Variants in DLG5 observed in about 807,000 individuals in gnomAD.
DLG5 encodes the protein disks large homolog 5.
Under a neutral mutation model 189.8 loss-of-function variants are expected in DLG5, and 48 were observed. The observed-to-expected ratio is 0.25, with a 90% CI of 0.20 to 0.32. The LOEUF is 0.32. Ranked by LOEUF, DLG5 falls within the 10% of genes least tolerant of loss-of-function variation. The pLI is 1.00. For synonymous variants in DLG5, 1,016 were observed against 1,054.1 expected, an observed-to-expected ratio of 0.96 and a Z score of 0.70; for missense variants, 2,160 against 2,544.7, an observed-to-expected ratio of 0.85 and a Z score of 3.25.
intron 1 of DLG5, among the ~76,000 whole-genome samples, chr10:77,874,806 A>G (rs1845033817): frequency 6.6e-6 from 1 of 152,184 alleles, no homozygotes. Context: ...AGCTGGTGTT[A>G]TTATGGTCAG....
intron 5 of DLG5, chr10:77,845,223 G>T (rs932045488): frequency 6.6e-6 from 1 of 152,254 alleles, no homozygotes; most frequent in Non-Finnish European, 1.5e-5. Context: ...CATGGGATCT[G>T]AGCCCTGGGG....
intron 20 of DLG5, among the ~76,000 whole-genome samples, chr10:77,812,895 C>G (rs1246609162): frequency 6.6e-6 from 1 of 152,262 alleles, no homozygotes; most frequent in East Asian, 1.9e-4. Flanking sequence ...AGGCTGGGAG[C>G]AAGGCTGCAG....
rs530932176 is a variant in DLG5 at position 77,849,476 on chromosome 10, G to A, written c.864+3878C>T. Among the ~76,000 whole-genome samples, 4 of 152,394 alleles carry A rather than the reference G, an allele frequency of 2.6e-5. No individual in the cohort carries two copies. The East Asian group carries it at 5.8e-4, about 22-fold the overall frequency. ...GCCCAGGATGCCAGGACGCGGGGCT[G>A]GTCGCCCAGCAGCTCTGAGATGCTC... is the stretch of plus-strand genomic sequence containing the variant. On this transcript the variant is annotated intron_variant, in intron 5 of 31. Coordinates refer to ENST00000372391, the MANE Select transcript of DLG5 (RefSeq NM_004747.4).
At chr10:77,817,923 G>C in intron 17 of DLG5, 34 bp from the exon 18 acceptor site, 2 of 1,524,492 alleles carry the variant, frequency 1.3e-6, no homozygotes, top group Non-Finnish European at 1.8e-6. Context: ...AGTTCGGGAG[G>C]AGAACCAGGA....
intron 2 of DLG5, among the ~76,000 whole-genome samples, chr10:77,860,584 AGGCACTGCACCC>A (rs1350532572): frequency 2.6e-5 from 4 of 152,194 alleles, no homozygotes; most frequent in Admixed American, 1.3e-4. Flanking sequence ...TACAGGCGTG[AGGCACTGCACCC>A]GGCCATGCCT....
At position 77,819,348 on chromosome 10, in the gene DLG5, T is replaced by C; in HGVS notation, c.3644A>G (p.Asp1215Gly). The change falls in exon 17 of 32, where the codon GAT becomes GGT. Residue 1215 changes from aspartate to glycine, a missense_variant. Physicochemically the swap from Asp to Gly is moderately conservative, Grantham distance 94 (BLOSUM62 -1). Transcript: ENST00000372391. ...GGGATGCAAACCCTGGGGGCCAGCA[T>C]CTCGGGCCGCAGGTGGAGAGCTGCA... Reference protein sequence around the residue: ...GPCSSPPAARDAGPQGLHPSV... With the variant: ...GPCSSPPAARGAGPQGLHPSV... The C allele has an allele frequency of 1.2e-6, 2 of 1,614,010 alleles. No individual in the cohort carries two copies. The highest frequency in any genetic ancestry group is 1.7e-6 in the Non-Finnish European group (2 of 1,180,010).
At chr10:77,917,222 G>A (rs1264806211) in intron 1 of DLG5, among the ~76,000 whole-genome samples, 1 of 151,954 alleles carries the variant, frequency 6.6e-6, no homozygotes, top group South Asian at 2.1e-4. Context: ...GGCGCCTGTA[G>A]TCCCAGCTAC....
At position 77,827,119 on chromosome 10, in the gene DLG5, A is replaced by G. The variant is rs1842676493; in HGVS notation, c.2289+1763T>C. On this transcript the variant is annotated intron_variant, in intron 13 of 31. Transcript: ENST00000372391. The stretch of plus-strand genomic sequence containing the variant: ...AGTGATTGCCATCGGGGTGGGAAGC[A>G]GTACACAAGAGGTCTAGCCAGAGGA... 3.3e-5 allele frequency among the ~76,000 whole-genome samples: 5 copies of G among 152,372 alleles called. No homozygotes were observed. In the South Asian group the frequency reaches 1.0e-3, roughly 32 times the overall value.
At chr10:77,825,319 G>A (rs1047516177) in intron 13 of DLG5, among the ~76,000 whole-genome samples, 7 of 149,784 alleles carry the variant, frequency 4.7e-5, no homozygotes, top group Admixed American at 2.0e-4. Flanking sequence ...GAACAGCTAC[G>A]TATCTTCATT....
intron 1 of DLG5, among the ~76,000 whole-genome samples, chr10:77,921,881 G>C (rs1367485803): frequency 1.3e-5 from 2 of 152,180 alleles, no homozygotes; most frequent in Non-Finnish European, 2.9e-5. Flanking sequence ...GCACGCGAGA[G>C]GTCCAGCCAA....
At chr10:77,922,085 A>G (rs963730199) in intron 1 of DLG5, among the ~76,000 whole-genome samples, 2 of 152,154 alleles carry the variant, frequency 1.3e-5, no homozygotes, top group African/African-American at 4.8e-5. Flanking sequence ...TGTCACTCTC[A>G]TGAGCGTCCC....
At chr10:77,875,173 G>T (rs1356251365) in intron 1 of DLG5, among the ~76,000 whole-genome samples, 3 of 152,160 alleles carry the variant, frequency 2.0e-5, no homozygotes, top group Non-Finnish European at 4.4e-5. Context: ...CTACCCCAGC[G>T]CCTGTGCTCT....
intron 13 of DLG5, among the ~76,000 whole-genome samples, chr10:77,826,551 C>T (rs1398934977): frequency 6.6e-6 from 1 of 152,168 alleles, no homozygotes. Context: ...ATCACTTAGA[C>T]CTGGGAGGCA....
At chr10:77,852,700 C>T (rs1456325967) in intron 5 of DLG5, among the ~76,000 whole-genome samples, 2 of 152,094 alleles carry the variant, frequency 1.3e-5, no homozygotes, top group Non-Finnish European at 2.9e-5. Context: ...CGTGAGCCAC[C>T]GCACCCAGCC....
At chr10:77,861,208 G>GAA (rs1293715725) in intron 2 of DLG5, among the ~76,000 whole-genome samples, 3 of 152,172 alleles carry the variant, frequency 2.0e-5, no homozygotes, top group Admixed American at 6.5e-5. Context: ...GTATCATTAT[G>GAA]AAAACAGTCT....
chr10:77,929,560 C>T (rs1004006808), upstream of DLG5: 1 of 152,170 alleles, frequency 6.6e-6, no homozygotes, highest in Non-Finnish European at 1.5e-5. Flanking sequence ...TAGGGCGGGT[C>T]CTCATCCAAT....
intron 1 of DLG5, among the ~76,000 whole-genome samples, chr10:77,887,525 A>T (rs76019417): frequency 6.6e-6 from 1 of 152,222 alleles, no homozygotes; most frequent in Non-Finnish European, 1.5e-5. Context: ...AGAAAAAAAA[A>T]TTAATATTAA....
intron 1 of DLG5, among the ~76,000 whole-genome samples, chr10:77,877,839 C>T (rs575495996): frequency 5.5e-5 from 8 of 145,994 alleles, no homozygotes; most frequent in Non-Finnish European, 1.1e-4. Flanking sequence ...ACCCACAAGG[C>T]GAGGTGTGAA....
chr10:77,804,493 G>A (rs1841374328), intron 27 of DLG5, among the ~76,000 whole-genome samples: 2 of 152,138 alleles, frequency 1.3e-5, no homozygotes, highest in African/African-American at 4.8e-5. Flanking sequence ...GCGAAGAGAG[G>A]GAGGGAGGCA....
Sources: allele counts gnomAD v4.1 joint callset (sites outside exome capture counted in the v4.1 genomes callset), GRCh38; gene constraint gnomAD v4.1.1; transcripts MANE v1.5; gene names NCBI Gene and HGNC (gene_info 2026-07-23, HGNC 2026-07-21).